Variants in RABGAP1L observed in about 807,000 individuals in gnomAD.
The protein encoded by RABGAP1L is RAB GTPase activating protein 1 like.
In RABGAP1L, 63 loss-of-function variants were observed where a neutral mutation model predicts 137.7. The observed-to-expected ratio is 0.46, with a 90% CI of 0.37 to 0.56. The LOEUF (loss-of-function observed/expected upper bound fraction) is 0.56, where lower values mean the gene tolerates loss of function less well. Ranked by LOEUF, RABGAP1L falls within the 20% of genes least tolerant of loss-of-function variation. RABGAP1L has a pLI of 0.00. For missense variants in RABGAP1L, 1,095 were observed against 1,244.0 expected, an observed-to-expected ratio of 0.88 and a Z score of 1.80; for synonymous variants, 431 against 433.7, an observed-to-expected ratio of 0.99 and a Z score of 0.08.
intron 17 of RABGAP1L, among the ~76,000 whole-genome samples, chr1:174,750,679 G>A (rs1242530039): frequency 6.6e-6 from 1 of 152,152 alleles, no homozygotes; most frequent in Admixed American, 6.5e-5. Context: ...TAGGATAAAG[G>A]ACCAGAGCAT....
At chr1:174,687,222 C>A (rs1046472153) in intron 15 of RABGAP1L, among the ~76,000 whole-genome samples, 1 of 152,028 alleles carries the variant, frequency 6.6e-6, no homozygotes, top group Non-Finnish European at 1.5e-5. Flanking sequence ...AGGTACTCTA[C>A]TATTATAAGG....
At chr1:174,598,102 G>A (rs550159709) in intron 13 of RABGAP1L, among the ~76,000 whole-genome samples, 12 of 152,052 alleles carry the variant, frequency 7.9e-5, no homozygotes, top group East Asian at 3.8e-4. Context: ...AGGCCGATGG[G>A]GGCAGATCAC....
chr1:174,393,537 G>C (rs987183824), intron 12 of RABGAP1L, among the ~76,000 whole-genome samples: 1 of 152,156 alleles, frequency 6.6e-6, no homozygotes, highest in Non-Finnish European at 1.5e-5. Context: ...TGGCCTCAGA[G>C]AAGTGGGTAT....
chr1:174,870,629 A>C (rs1652025030), intron 19 of RABGAP1L, among the ~76,000 whole-genome samples: 1 of 152,236 alleles, frequency 6.6e-6, no homozygotes, highest in Non-Finnish European at 1.5e-5. Flanking sequence ...ATCTACAAAA[A>C]AGGAATAATT....
chr1:174,902,331 C>A (rs74628364), intron 19 of RABGAP1L, among the ~76,000 whole-genome samples: 4 of 152,184 alleles, frequency 2.6e-5, no homozygotes, highest in South Asian at 2.1e-4. Flanking sequence ...CTCTCCCCCC[C>A]AGGAACTCAG....
intron 11 of RABGAP1L, among the ~76,000 whole-genome samples, chr1:174,310,195 T>G (rs1462909470): frequency 1.3e-5 from 2 of 152,178 alleles, no homozygotes; most frequent in African/African-American, 4.8e-5. Context: ...TTCTGTTGTA[T>G]CAGTTGAAAT....
At chr1:174,926,956 C>G (rs1662938239) in intron 19 of RABGAP1L, among the ~76,000 whole-genome samples, 1 of 151,894 alleles carries the variant, frequency 6.6e-6, no homozygotes, top group African/African-American at 2.4e-5. Context: ...ACCTGTAATT[C>G]CAGTTACTCC....
At chr1:174,877,460 C>G in intron 19 of RABGAP1L, 3 of 1,613,092 alleles carry the variant, frequency 1.9e-6, no homozygotes, top group Non-Finnish European at 2.5e-6. Context: ...GGAGCTGGGA[C>G]AGCAGCTGCT....
chr1:174,239,862 C>T (rs1484842343), intron 4 of RABGAP1L, among the ~76,000 whole-genome samples: 1 of 152,196 alleles, frequency 6.6e-6, no homozygotes, highest in Non-Finnish European at 1.5e-5. Flanking sequence ...TGATTTGCCT[C>T]ATTCTCTAAA....
At chr1:174,684,851 C>T (rs926938296) in intron 15 of RABGAP1L, among the ~76,000 whole-genome samples, 5 of 152,028 alleles carry the variant, frequency 3.3e-5, no homozygotes, top group African/African-American at 1.2e-4. Context: ...TTGGTGAGCA[C>T]CTGTAGTGGT....
intron 11 of RABGAP1L, among the ~76,000 whole-genome samples, chr1:174,348,108 G>T (rs1397340103): frequency 6.6e-6 from 1 of 151,370 alleles, no homozygotes; most frequent in East Asian, 2.0e-4. Context: ...TTCTGTGAAG[G>T]TTATTTTTTT....
At chr1:174,424,864 G>A (rs1046153829) in intron 13 of RABGAP1L, among the ~76,000 whole-genome samples, 3 of 151,814 alleles carry the variant, frequency 2.0e-5, no homozygotes, top group Non-Finnish European at 1.5e-5. Context: ...TTATAAAATT[G>A]TAAGATACAA....
chr1:174,771,981 C>T lies in RABGAP1L; in HGVS notation c.2211+19627C>T, dbSNP rs190899468. Among the ~76,000 whole-genome samples the T allele has an allele frequency of 9.9e-3, 1,506 of 152,084 alleles. 11 individuals are homozygous for T. The highest frequency in any genetic ancestry group is 0.013 in the Non-Finnish European group (889 of 67,984). ...TTGGAAGGCCGAGGCAGGTGGATCA[C>T]GAGGTCAGAAGTTCAAGACCAGCCT... On this transcript the variant is annotated intron_variant, in intron 18 of 25. Coordinates refer to ENST00000681986, the MANE Select transcript of RABGAP1L (RefSeq NM_001366446.1).
At chr1:174,413,121 A>G (rs934424867) in intron 13 of RABGAP1L, among the ~76,000 whole-genome samples, 47 of 152,142 alleles carry the variant, frequency 3.1e-4, no homozygotes, top group African/African-American at 1.1e-3. Flanking sequence ...GTCATTTTAC[A>G]TAATCCTATT....
chr1:174,202,063 G>T (rs1408105615), intron 1 of RABGAP1L, among the ~76,000 whole-genome samples: 1 of 151,762 alleles, frequency 6.6e-6, no homozygotes. Flanking sequence ...TTGGACATTT[G>T]GGTTGGTTCC....
At chr1:174,981,930 C>T (rs1056551406) in intron 23 of RABGAP1L, among the ~76,000 whole-genome samples, 1 of 152,080 alleles carries the variant, frequency 6.6e-6, no homozygotes, top group Non-Finnish European at 1.5e-5. Flanking sequence ...CAGCACTTTT[C>T]AATCATGAGG....
intron 13 of RABGAP1L, among the ~76,000 whole-genome samples, chr1:174,397,218 T>C (rs1022310253): frequency 2.6e-5 from 4 of 152,204 alleles, no homozygotes; most frequent in Admixed American, 1.3e-4. Flanking sequence ...TGGAGGCTGA[T>C]AAATTACATT....
intron 11 of RABGAP1L, among the ~76,000 whole-genome samples, chr1:174,358,089 C>G (rs753229048): frequency 5.9e-5 from 9 of 152,010 alleles, no homozygotes; most frequent in Non-Finnish European, 1.2e-4. Flanking sequence ...GCTTTGGGAC[C>G]TATGCATTAT....
intron 14 of RABGAP1L, among the ~76,000 whole-genome samples, chr1:174,641,006 AAT>A (rs1192438868): frequency 8.1e-5 from 12 of 147,576 alleles, no homozygotes; most frequent in African/African-American, 2.5e-4. Context: ...ATATTAATTA[AAT>A]ATAATTAATT....
Sources: gnomAD v4.1 joint callset for allele counts (sites outside exome capture counted in the v4.1 genomes callset) on GRCh38, gnomAD v4.1.1 for gene constraint, MANE v1.5 for transcripts, NCBI Gene and HGNC (gene_info 2026-07-23, HGNC 2026-07-21) for gene names.